The following CNTNAP4 variants were observed in gnomAD, a reference collection of about 807,000 sequenced individuals.
CNTNAP4 encodes contactin associated protein family member 4.
A neutral mutation model predicts 148.4 loss-of-function variants in CNTNAP4; 98 were observed. The observed-to-expected ratio is 0.66, with a 90% CI of 0.56 to 0.78. CNTNAP4 has a LOEUF of 0.78. Ranked by LOEUF, CNTNAP4 falls within the 30% of genes least tolerant of loss-of-function variation. The probability of loss-of-function intolerance (pLI) is 0.00; values close to 1 mark genes in which losing one functional copy is unlikely to be tolerated. For synonymous variants in CNTNAP4, 730 were observed against 565.1 expected, an observed-to-expected ratio of 1.29 and a Z score of -4.14; for missense variants, 1,935 against 1,565.6, an observed-to-expected ratio of 1.24 and a Z score of -3.98.
intron 22 of CNTNAP4, 57 bp downstream of exon 22, chr16:76,553,558 G>C (rs2085060478): frequency 3.1e-6 from 4 of 1,285,966 alleles, no homozygotes; most frequent in Non-Finnish European, 1.1e-6. Flanking sequence ...ATGGAATTTA[G>C]AAAACTTCTC....
At chr16:76,558,321 A>G (rs1052494335) in intron 23 of CNTNAP4, 169 bp from the exon 24 acceptor site, 2 of 523,440 alleles carry the variant, frequency 3.8e-6, no homozygotes, top group Non-Finnish European at 6.7e-6. Flanking sequence ...AACTCAACAT[A>G]CAATAATACT....
chr16:76,360,697 A>C (rs914207933), intron 3 of CNTNAP4, among the ~76,000 whole-genome samples: 1 of 152,214 alleles, frequency 6.6e-6, no homozygotes, highest in Non-Finnish European at 1.5e-5. Flanking sequence ...TTTTAATGAA[A>C]GTCTACATTA....
Position 76,560,076 on chromosome 16 carries a change from C to T in CNTNAP4, c.*1393C>T, listed in dbSNP as rs182159337. On this transcript the variant is annotated 3_prime_UTR_variant, in exon 24 of 24. Transcript: ENST00000611870. ...GATCAATAACCTTATGGAACTGTTA[C>T]AATAATTAATCTTGAGACCATGCAT... is the stretch of plus-strand genomic sequence containing the variant. Among the ~76,000 whole-genome samples, 14 of 152,208 alleles carry T rather than the reference C, an allele frequency of 9.2e-5. No homozygotes were observed. The highest frequency in any genetic ancestry group is 3.4e-4 in the African/African-American group (14 of 41,550).
chr16:76,479,199 A>T (rs567729809), intron 11 of CNTNAP4, among the ~76,000 whole-genome samples: 11 of 152,226 alleles, frequency 7.2e-5, no homozygotes, highest in African/African-American at 2.2e-4. Context: ...TTTAGTGATT[A>T]AAAAAAGTCA....
chr16:76,328,395 A>G (rs11866472), intron 2 of CNTNAP4, among the ~76,000 whole-genome samples: 87 of 152,358 alleles, frequency 5.7e-4, no homozygotes, highest in African/African-American at 1.9e-3. Context: ...AAGGTTGTCA[A>G]AAAACAAGGA....
At chr16:76,392,320 T>C (rs2078052027) in intron 3 of CNTNAP4, among the ~76,000 whole-genome samples, 1 of 151,576 alleles carries the variant, frequency 6.6e-6, no homozygotes, top group Admixed American at 6.6e-5. Context: ...AAATGGAGAG[T>C]TACGTTAGGA....
At chr16:76,340,271 C>T (rs569595978) in intron 2 of CNTNAP4, among the ~76,000 whole-genome samples, 3 of 152,144 alleles carry the variant, frequency 2.0e-5, no homozygotes, top group Admixed American at 1.3e-4. Flanking sequence ...CAAGTTCCCC[C>T]CCAAATCCTA....
intron 4 of CNTNAP4, among the ~76,000 whole-genome samples, chr16:76,433,966 G>A (rs2145094174): frequency 6.6e-6 from 1 of 151,830 alleles, no homozygotes; most frequent in Non-Finnish European, 1.5e-5. Flanking sequence ...TTTTAAGTTT[G>A]ATGACAAGTG....
chr16:76,490,648 T>C (rs1482750341), intron 13 of CNTNAP4, among the ~76,000 whole-genome samples: 1 of 152,148 alleles, frequency 6.6e-6, no homozygotes, highest in Non-Finnish European at 1.5e-5. Context: ...AAAATTAACC[T>C]TTAAGAAATG....
At chr16:76,300,559 A>C in intron 1 of CNTNAP4, among the ~76,000 whole-genome samples, 1 of 152,334 alleles carries the variant, frequency 6.6e-6, no homozygotes, top group African/African-American at 2.4e-5. Context: ...AAAAATTATA[A>C]ATTAAAAACA....
chr16:76,504,464 A>C (rs1358154187), intron 15 of CNTNAP4, among the ~76,000 whole-genome samples: 1 of 152,148 alleles, frequency 6.6e-6, no homozygotes, highest in Non-Finnish European at 1.5e-5. Flanking sequence ...ACAAAAATTA[A>C]CTCAAGATTA....
chr16:76,532,580 C>G (rs2084031702), intron 17 of CNTNAP4, among the ~76,000 whole-genome samples: 1 of 152,200 alleles, frequency 6.6e-6, no homozygotes. Flanking sequence ...TTTAATGTTA[C>G]TGTATACTGT....
chr16:76,427,437 TC>T lies in CNTNAP4; in HGVS notation c.391-12del. 6.3e-7 allele frequency: 1 copy of T among 1,599,188 alleles called. No individual in the cohort carries two copies. The highest frequency in any genetic ancestry group is 8.5e-7 in the Non-Finnish European group (1 of 1,172,934). Reference sequence around the variant, plus strand: ...CTCCAGATACATTGATGTGCTTCTTTCCCTTTTCTTTTAGGGTTTTTCAGGA... The same window carrying T: ...CTCCAGATACATTGATGTGCTTCTTTCCTTTTCTTTTAGGGTTTTTCAGGA... On this transcript the variant is annotated splice_polypyrimidine_tract_variant and intron_variant, in intron 3 of 23. Transcript: ENST00000611870.
At chr16:76,293,451 A>G (rs1414319446) in intron 1 of CNTNAP4, among the ~76,000 whole-genome samples, 1 of 152,172 alleles carries the variant, frequency 6.6e-6, no homozygotes, top group African/African-American at 2.4e-5. Context: ...CTTTGATATA[A>G]CAATATTTAT....
chr16:76,486,088 A>G (rs1418303690), intron 12 of CNTNAP4, among the ~76,000 whole-genome samples: 1 of 152,220 alleles, frequency 6.6e-6, no homozygotes, highest in Non-Finnish European at 1.5e-5. Flanking sequence ...TTAATTACTC[A>G]GTTGCTTTAT....
chr16:76,433,892 G>C (rs997677107), intron 4 of CNTNAP4, among the ~76,000 whole-genome samples: 3 of 151,964 alleles, frequency 2.0e-5, no homozygotes, highest in African/African-American at 7.2e-5. Flanking sequence ...TTGAAAAGAA[G>C]ATAGACTCTG....
chr16:76,535,467 G>C, intron 17 of CNTNAP4, 78 bp from the exon 18 acceptor site: 4 of 1,497,540 alleles, frequency 2.7e-6, no homozygotes, highest in Non-Finnish European at 2.7e-6. Context: ...TCTCTGTAAG[G>C]CCTCAGTTTT....
intron 3 of CNTNAP4, among the ~76,000 whole-genome samples, chr16:76,409,575 G>A (rs1358238240): frequency 6.6e-6 from 1 of 151,850 alleles, no homozygotes; most frequent in East Asian, 1.9e-4. Flanking sequence ...ATATGCAAAG[G>A]CAAACTAGTT....
In CNTNAP4 at chr16:76,521,156, A is replaced by G; in HGVS notation, c.2382A>G (p.Ser794=). 1.9e-6 allele frequency: 3 copies of G among 1,585,030 alleles called. No individual in the cohort carries two copies. Among genetic ancestry groups the G allele is most frequent in the East Asian group, 2.3e-5 (1 of 44,032 alleles). Residue 794 remains serine (S), a synonymous_variant, in exon 16 of 24, where the codon TCA becomes TCG. Coordinates refer to ENST00000611870, the MANE Select transcript of CNTNAP4 (RefSeq NM_033401.5). ...LCQGDRSFWN[S]ASFDTEASYL... The stretch of plus-strand genomic sequence containing the variant: ...ACAAAACAGGATCATTTTGGAATTC[A>G]GCTTCCTTTGATACCGAGGCTTCAT...
Sources: gnomAD v4.1 joint callset for allele counts (sites outside exome capture counted in the v4.1 genomes callset) on GRCh38, gnomAD v4.1.1 for gene constraint, MANE v1.5 for transcripts, NCBI Gene and HGNC (gene_info 2026-07-23, HGNC 2026-07-21) for gene names.